The following TFEB variants were observed in gnomAD, a reference collection of about 807,000 sequenced individuals.
The protein encoded by TFEB is transcription factor EB.
Under a neutral mutation model 48.0 loss-of-function variants are expected in TFEB, and 12 were observed. The observed-to-expected ratio is 0.25, with a 90% CI of 0.16 to 0.40. The LOEUF is 0.40. TFEB is among the 10% of genes least tolerant of loss of function. The pLI is 1.00. For synonymous variants in TFEB, 244 were observed against 261.4 expected (o/e 0.93, Z 0.64); for missense variants, 509 against 640.3 (o/e 0.79, Z 2.21).
At chr6:41,697,007 T>C (rs1341939915) in intron 1 of TFEB, among the ~76,000 whole-genome samples, 1 of 152,184 alleles carries the variant, frequency 6.6e-6, no homozygotes, top group African/African-American at 2.4e-5. Flanking sequence ...GATATGGGTG[T>C]TGGTGCCATG....
At chr6:41,735,272 C>A (rs1463645957) in intron 1 of TFEB, 78 bp downstream of exon 1, 8 of 979,752 alleles carry the variant, frequency 8.2e-6, no homozygotes, top group Non-Finnish European at 7.3e-6. Context: ...TCTCCGGGAC[C>A]CACGGGATAG....
chr6:41,696,485 G>C (rs962870567), intron 1 of TFEB, among the ~76,000 whole-genome samples: 7 of 152,126 alleles, frequency 4.6e-5, no homozygotes. Flanking sequence ...TTGAGGTCAG[G>C]AGTTCGAAGC....
At chr6:41,717,237 G>A (rs2127259337) in intron 1 of TFEB, among the ~76,000 whole-genome samples, 1 of 152,318 alleles carries the variant, frequency 6.6e-6, no homozygotes, top group East Asian at 1.9e-4. Context: ...TGAGAGCAGA[G>A]AGAGGCAGCA....
In TFEB at chr6:41,687,897, G is replaced by C; in HGVS notation, c.670+11C>G. ...GGTATTCAAAGGCACAGGGGTAGAG[G>C]GAGGCAGTACCTGTGAGCTCTCGCT... On this transcript the variant is annotated intron_variant, in intron 5 of 8. Coordinates refer to ENST00000373033, the MANE Select transcript of TFEB (RefSeq NM_001271944.2). The C allele has an allele frequency of 6.2e-7, 1 of 1,612,276 alleles. No individual in the cohort carries two copies. The highest frequency in any genetic ancestry group is 8.5e-7 in the Non-Finnish European group (1 of 1,178,554).
chr6:41,726,466 T>G (rs1771213055), intron 1 of TFEB, among the ~76,000 whole-genome samples: 2 of 152,064 alleles, frequency 1.3e-5, no homozygotes, highest in Admixed American at 1.3e-4. Context: ...TTTCTTTAGA[T>G]GGAGTCTTGC....
At chr6:41,736,114 C>T (rs1389087782), upstream of TFEB, 3 of 1,612,824 alleles carry the variant, frequency 1.9e-6, no homozygotes, top group Admixed American at 1.7e-5. Flanking sequence ...AGCCTGCCCC[C>T]ATTATGGGTT....
intron 4 of TFEB, among the ~76,000 whole-genome samples, chr6:41,689,516 T>C (rs1299489007): frequency 6.6e-6 from 1 of 152,038 alleles, no homozygotes; most frequent in African/African-American, 2.4e-5. Flanking sequence ...TGAAGCCCCA[T>C]GGTGCACAGA....
intron 1 of TFEB, among the ~76,000 whole-genome samples, chr6:41,708,680 A>G (rs901165805): frequency 6.6e-6 from 1 of 152,198 alleles, no homozygotes; most frequent in African/African-American, 2.4e-5. Context: ...TTGCACTCAT[A>G]TCCTTGCCTC....
intron 4 of TFEB, chr6:41,688,250 T>A (rs984768806): frequency 1.2e-5 from 6 of 516,140 alleles, no homozygotes; most frequent in Non-Finnish European, 2.0e-5. Flanking sequence ...CTAGAGTGTC[T>A]GAGAGAGTGA....
Position 41,685,005 on chromosome 6 carries a change from G to A in TFEB, c.1025C>T (p.Ala342Val). 6.5e-7 allele frequency: 1 copy of A among 1,539,218 alleles called. No individual in the cohort carries two copies. The highest frequency in any genetic ancestry group is 1.2e-5 in the South Asian group (1 of 80,054). ...SPSGMNMAEL[A>V]QQVVKQELPS... ...CAGCTCCTGCTTCACCACCTGCTGGGCCAGCTCAGCCATGTTCATGCCGGA... is the reference window on the plus strand; with the variant it reads ...CAGCTCCTGCTTCACCACCTGCTGGACCAGCTCAGCCATGTTCATGCCGGA... The change falls in exon 9 of 9, where the codon GCC becomes GTC. Residue 342 changes from alanine (A) to valine (V), a missense_variant. Transcript: ENST00000373033.
rs184292918 is a variant in TFEB at position 41,695,712 on chromosome 6, G to A, written c.-22-4477C>T. 2.1e-3 allele frequency among the ~76,000 whole-genome samples: 321 copies of A among 152,362 alleles called. 1 individual carries two copies. The highest frequency in any genetic ancestry group is 7.4e-3 in the African/African-American group (307 of 41,584). On this transcript the variant is annotated intron_variant, in intron 1 of 8. Transcript: ENST00000373033. The stretch of plus-strand genomic sequence containing the variant: ...GAGGGGAGTGGGAAGGGGCAATGGA[G>A]GGGGAGGGATAAAGAGGGATTTTTA...
chr6:41,727,417 A>G (rs1581936543), intron 1 of TFEB, among the ~76,000 whole-genome samples: 1 of 152,248 alleles, frequency 6.6e-6, no homozygotes, highest in East Asian at 1.9e-4. Flanking sequence ...GTGGCCAGGC[A>G]AGGTGGCTCA....
intron 4 of TFEB, among the ~76,000 whole-genome samples, chr6:41,688,777 G>A (rs1003945265): frequency 6.6e-6 from 1 of 152,276 alleles, no homozygotes; most frequent in Admixed American, 6.5e-5. Context: ...AACCAGTCCC[G>A]GCCAGCTCCT....
rs1441515853 is a variant in TFEB, at chr6:41,684,734, A to C, written c.1296T>G (p.Asp432Glu). The change falls in exon 9 of 9, where the codon GAT (aspartate) becomes GAG (glutamate). Residue 432 changes from aspartate (D) to glutamate (E), a missense_variant. Around this residue, in one of 4 missense-constraint regions of TFEB, gnomAD observed 168 missense variants for 161.0 expected, o/e 1.04. Transcript: ENST00000373033. ...AGTCGTCCAGGAGCATGAGGTCCAG[A>C]TCCTTCTTGGACAGGCTGGGGAATG... ...GSPFPSLSKK[D>E]LDLMLLDDSL... The C allele has an allele frequency of 6.2e-7, 1 of 1,613,602 alleles. No individual in the cohort carries two copies. Among genetic ancestry groups the C allele is most frequent in the South Asian group, 1.1e-5 (1 of 91,032 alleles).
chr6:41,715,316 A>T (rs568752308), intron 1 of TFEB, among the ~76,000 whole-genome samples: 1 of 152,240 alleles, frequency 6.6e-6, no homozygotes, highest in African/African-American at 2.4e-5. Context: ...CAAGACTCTC[A>T]AGACAACAGG....
intron 1 of TFEB, among the ~76,000 whole-genome samples, chr6:41,722,874 G>A (rs1422076068): frequency 1.3e-5 from 2 of 152,216 alleles, no homozygotes; most frequent in Non-Finnish European, 2.9e-5. Context: ...CTTTATGTGA[G>A]TAAAGTCTTT....
Position 41,707,507 on chromosome 6 carries a change from G to A in TFEB, c.-22-16272C>T, listed in dbSNP as rs748665727. On this transcript the variant is annotated intron_variant, in intron 1 of 8. Transcript: ENST00000373033. The stretch of plus-strand genomic sequence containing the variant: ...ACCACGTCTCCAGGGGAAGCACACC[G>A]CCAGGCCCAGCCCCTGCCCCATCCC... 5.3e-5 allele frequency among the ~76,000 whole-genome samples: 8 copies of A among 152,212 alleles called. No homozygotes were observed. In the East Asian group the frequency reaches 5.8e-4, roughly 11 times the overall value.
Position 41,687,908 on chromosome 6 carries a change from C to A in TFEB, c.670G>T (p.Asp224Tyr). Residue 224 changes from aspartate to tyrosine, a missense_variant and splice_region_variant, in exon 5 of 9, where the codon GAT (aspartate) becomes TAT (tyrosine). Asp to Tyr is a radical substitution (Grantham distance 160). Coordinates refer to ENST00000373033, the MANE Select transcript of TFEB (RefSeq NM_001271944.2). ...ADLTQKRELT[D>Y]AESRALAKER... ...GCACAGGGGTAGAGGGAGGCAGTACCTGTGAGCTCTCGCTTCTGGGTCAGG... is the reference window on the plus strand; with the variant it reads ...GCACAGGGGTAGAGGGAGGCAGTACATGTGAGCTCTCGCTTCTGGGTCAGG... 1 of 1,613,620 alleles carries A rather than the reference C, an allele frequency of 6.2e-7. No individual in the cohort carries two copies. The highest frequency in any genetic ancestry group is 8.5e-7 in the Non-Finnish European group (1 of 1,179,668).
At chr6:41,704,469 G>A (rs1770101211) in intron 1 of TFEB, among the ~76,000 whole-genome samples, 1 of 152,220 alleles carries the variant, frequency 6.6e-6, no homozygotes, top group Non-Finnish European at 1.5e-5. Context: ...CTTGGAGGTG[G>A]TCTGTGAGTA....
Sources: allele counts gnomAD v4.1 joint callset (sites outside exome capture counted in the v4.1 genomes callset), GRCh38; gene constraint gnomAD v4.1.1; regional missense constraint gnomAD v4.1.1; transcripts MANE v1.5; gene names NCBI Gene and HGNC (gene_info 2026-07-23, HGNC 2026-07-21).